The following ERC1 variants were observed in gnomAD, a reference collection of about 807,000 sequenced individuals.
The protein encoded by ERC1 is ELKS/RAB6-interacting/CAST family member 1.
A neutral mutation model predicts 132.0 loss-of-function variants in ERC1; 56 were observed. The observed-to-expected ratio is 0.42, with a 90% CI of 0.34 to 0.53. The LOEUF is 0.53. ERC1 is among the 20% of genes least tolerant of loss of function. The pLI is 0.03. For synonymous variants in ERC1, 478 were observed against 476.1 expected, an observed-to-expected ratio of 1.00 and a Z score of -0.05; for missense variants, 1,202 against 1,349.9, an observed-to-expected ratio of 0.89 and a Z score of 1.72.
At chr12:1,060,604 G>A (rs1321329231) in intron 2 of ERC1, among the ~76,000 whole-genome samples, 1 of 152,114 alleles carries the variant, frequency 6.6e-6, no homozygotes, top group Non-Finnish European at 1.5e-5. Context: ...AGCAAAAGCG[G>A]AAACCCCTGA....
At position 1,490,960 on chromosome 12, in the gene ERC1, C is replaced by G. The variant is rs1359470110; in HGVS notation, c.*730C>G. ...GGTGTGAGGTGTTCTCCACCAGTCT[C>G]TCCTGTTTGAGACTGTTGACGTTAT... On this transcript the variant is annotated 3_prime_UTR_variant, in exon 19 of 19. Coordinates refer to ENST00000360905, the MANE Select transcript of ERC1 (RefSeq NM_178040.4). 1 of 232,746 alleles carries G rather than the reference C, an allele frequency of 4.3e-6. No individual in the cohort carries two copies. The highest frequency in any genetic ancestry group is 8.5e-6 in the Non-Finnish European group (1 of 117,798). 14.4% of individuals were successfully genotyped at this position (232,746 alleles called of 1,614,324 possible). A position where few individuals can be genotyped will look rare whatever the true frequency, so the allele number is the denominator to read the frequency against.
chr12:1,430,934 G>A (rs1310539515), intron 17 of ERC1: 4 of 152,160 alleles, frequency 2.6e-5, no homozygotes, highest in African/African-American at 7.2e-5. Flanking sequence ...TTATAAGTGA[G>A]AATATGTTTA....
intron 18 of ERC1, among the ~76,000 whole-genome samples, chr12:1,483,526 A>C (rs967324599): frequency 6.6e-6 from 1 of 152,160 alleles, no homozygotes; most frequent in Non-Finnish European, 1.5e-5. Flanking sequence ...TATGCCTTTA[A>C]AAGTATATAC....
chr12:1,202,876 A>C (rs906860361), intron 12 of ERC1, among the ~76,000 whole-genome samples: 1 of 152,220 alleles, frequency 6.6e-6, no homozygotes, highest in African/African-American at 2.4e-5. Flanking sequence ...TTCCTGTGTC[A>C]CAACCAATGA....
intron 3 of ERC1, among the ~76,000 whole-genome samples, chr12:1,103,912 A>G (rs73039003): frequency 0.047 from 7,218 of 152,200 alleles, 254 homozygotes; most frequent in Middle Eastern, 0.1. Flanking sequence ...GTGGATAGTT[A>G]AAGCTGGAAG....
At chr12:1,434,080 C>T (rs868675785) in intron 17 of ERC1, among the ~76,000 whole-genome samples, 14 of 151,408 alleles carry the variant, frequency 9.2e-5, no homozygotes, top group Non-Finnish European at 1.0e-4. Context: ...AAGGCATGTT[C>T]TGCTTCCTCT....
At position 1,491,982 on chromosome 12, in the gene ERC1, A is replaced by G. The variant is rs1196473382; in HGVS notation, c.*1752A>G. 8.6e-6 allele frequency: 2 copies of G among 232,618 alleles called. No individual in the cohort carries two copies. Among genetic ancestry groups the G allele is most frequent in the East Asian group, 1.2e-4 (2 of 16,530 alleles). 14.4% of individuals were successfully genotyped at this position (232,618 alleles called of 1,614,324 possible). A position where few individuals can be genotyped will look rare whatever the true frequency, so the allele number is the denominator to read the frequency against. On this transcript the variant is annotated 3_prime_UTR_variant, in exon 19 of 19. Transcript: ENST00000360905. ...TTCTCCTCTCCTTCCCCACTTACTCAGAGAATTTAAAGTCTGTAGAGTCAG... is the reference window on the plus strand; with the variant it reads ...TTCTCCTCTCCTTCCCCACTTACTCGGAGAATTTAAAGTCTGTAGAGTCAG...
intron 3 of ERC1, among the ~76,000 whole-genome samples, chr12:1,100,065 G>A (rs1024350139): frequency 6.6e-6 from 1 of 151,974 alleles, no homozygotes; most frequent in Admixed American, 6.6e-5. Context: ...GGCCAGGCTG[G>A]TCTTGAACTC....
At position 1,470,120 on chromosome 12, in the gene ERC1, T is replaced by TA. The variant is rs113732773; in HGVS notation, c.3214-19959dup. 6.9e-3 allele frequency among the ~76,000 whole-genome samples: 958 copies of TA among 138,588 alleles called. 10 individuals are homozygous for TA. Among genetic ancestry groups the TA allele is most frequent in the African/African-American group, 0.02 (744 of 38,026 alleles). 90.9% of individuals were successfully genotyped at this position (138,588 alleles called of 152,430 possible). ...CCCAGAGAATGTATCAGATTTATACTAAAAAAAAAAAAAATCCAGCAAGAT... is the reference window on the plus strand; with the variant it reads ...CCCAGAGAATGTATCAGATTTATACTAAAAAAAAAAAAAAATCCAGCAAGAT... On this transcript the variant is annotated intron_variant, in intron 18 of 18. Transcript: ENST00000360905.
chr12:1,179,897 A>G (rs1185643887), intron 8 of ERC1, among the ~76,000 whole-genome samples: 3 of 152,256 alleles, frequency 2.0e-5, no homozygotes, highest in Non-Finnish European at 4.4e-5. Flanking sequence ...GTGTATATGA[A>G]TGAATGGCCA....
chr12:1,241,266 C>T (rs1001270764), intron 13 of ERC1, among the ~76,000 whole-genome samples: 1 of 152,142 alleles, frequency 6.6e-6, no homozygotes, highest in Non-Finnish European at 1.5e-5. Context: ...TTCAGTGACA[C>T]TGTCCGTTTT....
chr12:1,446,491 C>G (rs1466928721), intron 18 of ERC1, among the ~76,000 whole-genome samples: 9 of 152,186 alleles, frequency 5.9e-5, no homozygotes, highest in African/African-American at 2.2e-4. Context: ...TGTAAACTTA[C>G]TAAAACTCTT....
chr12:1,384,696 T>C (rs1168167919), intron 16 of ERC1, among the ~76,000 whole-genome samples: 1 of 152,216 alleles, frequency 6.6e-6, no homozygotes, highest in Non-Finnish European at 1.5e-5. Flanking sequence ...ATTTCAAAAG[T>C]TTTATGAAAT....
intron 12 of ERC1, among the ~76,000 whole-genome samples, chr12:1,201,271 CTT>C (rs1302888851): frequency 6.6e-6 from 1 of 152,072 alleles, no homozygotes; most frequent in Non-Finnish European, 1.5e-5. Context: ...ATTGGTATAA[CTT>C]TTTTTCTTTC....
intron 13 of ERC1, among the ~76,000 whole-genome samples, chr12:1,241,066 C>T (rs1488055751): frequency 6.6e-6 from 1 of 152,124 alleles, no homozygotes; most frequent in African/African-American, 2.4e-5. Flanking sequence ...GGCTATTCCT[C>T]AGAGCAAACT....
chr12:1,100,956 G>A (rs1303263065), intron 3 of ERC1, among the ~76,000 whole-genome samples: 2 of 152,198 alleles, frequency 1.3e-5, no homozygotes, highest in African/African-American at 4.8e-5. Context: ...GGGTAAGATA[G>A]GAGGAAAAGC....
intron 10 of ERC1, 150 bp from the exon 11 acceptor site, chr12:1,183,131 T>A (rs36086115): frequency 2.2e-6 from 1 of 461,220 alleles, no homozygotes; most frequent in Non-Finnish European, 3.9e-6. Flanking sequence ...GCTAATATTG[T>A]TTTATATTTC....
chr12:1,098,207 G>A (rs1295525622), intron 3 of ERC1, among the ~76,000 whole-genome samples: 1 of 152,138 alleles, frequency 6.6e-6, no homozygotes, highest in Non-Finnish European at 1.5e-5. Flanking sequence ...GTTATCCAGG[G>A]TCTGAAAACA....
chr12:1,304,372 A>G (rs2080667401), intron 15 of ERC1, among the ~76,000 whole-genome samples: 1 of 152,184 alleles, frequency 6.6e-6, no homozygotes, highest in African/African-American at 2.4e-5. Context: ...AGCCTCCCCC[A>G]ACAGTAGACT....
Sources: gnomAD v4.1 joint callset for allele counts (sites outside exome capture counted in the v4.1 genomes callset) on GRCh38, gnomAD v4.1.1 for gene constraint, MANE v1.5 for transcripts, NCBI Gene and HGNC (gene_info 2026-07-23, HGNC 2026-07-21) for gene names.